The following TTK variants were observed in gnomAD, a reference collection of about 807,000 sequenced individuals.
TTK encodes TTK protein kinase.
In TTK, 59 loss-of-function variants were observed where a neutral mutation model predicts 117.3. The observed-to-expected ratio is 0.50, with a 90% CI of 0.41 to 0.62. The LOEUF (loss-of-function observed/expected upper bound fraction) is 0.62. Ranked by LOEUF, TTK falls within the 20% of genes least tolerant of loss-of-function variation. TTK has a pLI of 0.00. For synonymous variants in TTK, 302 were observed against 325.0 expected (o/e 0.93, Z 0.76); for missense variants, 921 against 989.4 (o/e 0.93, Z 0.93).
chr6:80,011,470 G>A lies in TTK; in HGVS notation c.650G>A (p.Gly217Asp), dbSNP rs770461559. ...TVLTAQESFSGSLGHLQNRNN... is the reference protein window; with the variant it reads ...TVLTAQESFSDSLGHLQNRNN... ...TTAACTGCCCAAGAATCATTTTCCG[G>A]TTCACTTGGGCATTTACAGAATAGG... The change falls in exon 6 of 22, where the codon GGT (glycine) becomes GAT (aspartate). Residue 217 changes from glycine (G) to aspartate (D), a missense_variant. Coordinates refer to ENST00000369798, the MANE Select transcript of TTK (RefSeq NM_003318.5). 6.2e-7 allele frequency: 1 copy of A among 1,605,372 alleles called. No individual in the cohort carries two copies. The highest frequency in any genetic ancestry group is 8.5e-7 in the Non-Finnish European group (1 of 1,177,112).
At position 80,013,488 on chromosome 6, in the gene TTK, C is replaced by T. The variant is rs956206557; in HGVS notation, c.984+122C>T. The T allele has an allele frequency of 5.2e-5, 39 of 744,732 alleles. No individual in the cohort carries two copies. The South Asian group carries it at 5.3e-4, about 10-fold the overall frequency. The allele number at this position is 744,732 out of a possible 1,614,324, so 46.1% of individuals were successfully genotyped here. A position where few individuals can be genotyped will look rare whatever the true frequency, so the allele number is the denominator to read the frequency against. On this transcript the variant is annotated intron_variant, in intron 9 of 21. Coordinates refer to ENST00000369798, the MANE Select transcript of TTK (RefSeq NM_003318.5). ...TTCATGTATCTCCAACAGTGTTCCA[C>T]ATACCCCAAGAGCTGTGGGACTACG...
At chr6:80,011,081 A>T in intron 5 of TTK, 124 bp downstream of exon 5, 7 of 1,234,124 alleles carry the variant, frequency 5.7e-6, no homozygotes, top group Non-Finnish European at 7.5e-6. Flanking sequence ...TAAATTGTAA[A>T]GGAGGTAAGA....
chr6:80,011,947 C>T lies in TTK; in HGVS notation c.863C>T (p.Thr288Ile), dbSNP rs758287992. 48 of 1,611,700 alleles carry T rather than the reference C, an allele frequency of 3.0e-5. No individual in the cohort carries two copies. The highest frequency in any genetic ancestry group is 1.5e-4 in the South Asian group (14 of 90,754). Residue 288 changes from threonine (T) to isoleucine (I), a missense_variant, in exon 8 of 22, where the codon ACA (threonine) becomes ATA (isoleucine). By Grantham distance (89) the Thr-to-Ile change is moderately conservative. Coordinates refer to ENST00000369798, the MANE Select transcript of TTK (RefSeq NM_003318.5). Reference sequence around the variant, plus strand: ...AATAGCCCAGATTGTGATGTGAAGACAGATGATTCAGTTGTACCTTGTTTT... The same window carrying T: ...AATAGCCCAGATTGTGATGTGAAGATAGATGATTCAGTTGTACCTTGTTTT... ...LLNSPDCDVK[T>I]DDSVVPCFMK...
chr6:80,026,572 C>A, intron 12 of TTK, 58 bp downstream of exon 12: 1 of 1,590,240 alleles, frequency 6.3e-7, no homozygotes, highest in Non-Finnish European at 8.5e-7. Flanking sequence ...TTAACATGGG[C>A]TTCTGGGCCA....
chr6:80,031,075 A>G (rs1264885809), intron 13 of TTK, among the ~76,000 whole-genome samples: 4 of 151,324 alleles, frequency 2.6e-5, no homozygotes, highest in Non-Finnish European at 5.9e-5. Context: ...GAATGCAGCT[A>G]TAATTATGTG....
chr6:80,029,384 A>G (rs1298483395), intron 13 of TTK, among the ~76,000 whole-genome samples: 1 of 152,268 alleles, frequency 6.6e-6, no homozygotes, highest in Non-Finnish European at 1.5e-5. Context: ...GACAGTAGAT[A>G]CTAACTGGAA....
chr6:80,010,253 T>C (rs990980967), intron 4 of TTK, among the ~76,000 whole-genome samples: 4 of 151,970 alleles, frequency 2.6e-5, no homozygotes, highest in East Asian at 1.9e-4. Context: ...TTCTGCATTC[T>C]TTTTCAGGCT....
intron 14 of TTK, among the ~76,000 whole-genome samples, chr6:80,032,374 A>T (rs1767782213): frequency 6.6e-6 from 1 of 152,076 alleles, no homozygotes. Flanking sequence ...CTCCGGGCTT[A>T]GTCCTCAGCA....
Position 80,042,273 on chromosome 6 carries a change from G to A in TTK, c.*71G>A. The A allele has an allele frequency of 1.6e-6, 2 of 1,228,118 alleles. No individual in the cohort carries two copies. Among genetic ancestry groups the A allele is most frequent in the Non-Finnish European group, 2.3e-6 (2 of 878,108 alleles). The allele number at this position is 1,228,118 out of a possible 1,614,324, so 76.1% of individuals were successfully genotyped here. On this transcript the variant is annotated 3_prime_UTR_variant, in exon 22 of 22. Coordinates refer to ENST00000369798, the MANE Select transcript of TTK (RefSeq NM_003318.5). ...GACTGTTATACTCTTGAATCCCTGT[G>A]GAAATCTACATTTGAAGACAACATC... is the stretch of plus-strand genomic sequence containing the variant.
chr6:80,024,284 A>G (rs944060611), intron 11 of TTK, among the ~76,000 whole-genome samples: 6 of 152,238 alleles, frequency 3.9e-5, no homozygotes, highest in African/African-American at 1.4e-4. Context: ...GAAAACATAC[A>G]TCCACACAAA....
At chr6:80,034,155 T>C (rs1451647102) in intron 14 of TTK, among the ~76,000 whole-genome samples, 1 of 152,174 alleles carries the variant, frequency 6.6e-6, no homozygotes, top group Non-Finnish European at 1.5e-5. Flanking sequence ...GTAACATGCT[T>C]TATGAAACTA....
intron 5 of TTK, 83 bp downstream of exon 5, chr6:80,011,040 T>C: frequency 1.4e-6 from 2 of 1,412,556 alleles, no homozygotes; most frequent in Non-Finnish European, 1.9e-6. Flanking sequence ...TAGAAAAATA[T>C]TATTTATGTA....
intron 4 of TTK, among the ~76,000 whole-genome samples, chr6:80,008,864 T>C (rs1384098637): frequency 6.6e-6 from 1 of 151,606 alleles, no homozygotes; most frequent in Non-Finnish European, 1.5e-5. Flanking sequence ...ATGCTATGGT[T>C]TCATAGCACC....
intron 10 of TTK, among the ~76,000 whole-genome samples, chr6:80,016,050 A>G (rs1240062959): frequency 1.3e-5 from 2 of 152,196 alleles, no homozygotes; most frequent in African/African-American, 4.8e-5. Context: ...GAACTCATCC[A>G]TGTTTTTATG....
intron 18 of TTK, among the ~76,000 whole-genome samples, chr6:80,039,276 T>C (rs1275607068): frequency 6.6e-6 from 1 of 152,036 alleles, no homozygotes; most frequent in Non-Finnish European, 1.5e-5. Context: ...ATTGCTTATT[T>C]ATTATTTCCA....
At chr6:80,015,695 C>A (rs1272347158) in intron 10 of TTK, among the ~76,000 whole-genome samples, 7 of 152,132 alleles carry the variant, frequency 4.6e-5, no homozygotes. Flanking sequence ...TCATCTTTAT[C>A]AAATATGCTT....
chr6:80,028,007 T>C lies in TTK; in HGVS notation c.1517T>C (p.Leu506Ser). Residue 506 changes from leucine (L) to serine (S), a missense_variant, in exon 13 of 22, where the codon TTA (leucine) becomes TCA (serine). By Grantham distance (145) the Leu-to-Ser change is moderately radical. Coordinates refer to ENST00000369798, the MANE Select transcript of TTK (RefSeq NM_003318.5). ...HQILATPLQN[L>S]QVLASSSANE... ...ATACTTGCCACTCCACTTCAAAATT[T>C]ACAGGTTCGATAAGCTTTATATATG... 1.9e-6 allele frequency: 3 copies of C among 1,599,078 alleles called. No homozygotes were observed. The highest frequency in any genetic ancestry group is 8.5e-7 in the Non-Finnish European group (1 of 1,172,830).
At chr6:80,015,438 A>G (rs1000011676) in intron 10 of TTK, among the ~76,000 whole-genome samples, 31 of 152,242 alleles carry the variant, frequency 2.0e-4, no homozygotes, top group African/African-American at 7.0e-4. Context: ...GCCAGATTGG[A>G]TGTATTAATT....
At chr6:80,034,572 C>T (rs554989720) in intron 14 of TTK, among the ~76,000 whole-genome samples, 3 of 152,270 alleles carry the variant, frequency 2.0e-5, no homozygotes, top group South Asian at 4.1e-4. Context: ...AAGCAATTGT[C>T]CCACCTCAGC....
Sources: allele counts gnomAD v4.1 joint callset (sites outside exome capture counted in the v4.1 genomes callset), GRCh38; gene constraint gnomAD v4.1.1; transcripts MANE v1.5; gene names NCBI Gene and HGNC (gene_info 2026-07-23, HGNC 2026-07-21).